RYR3: variants seen among roughly 807,000 people sequenced by gnomAD.
RYR3 encodes the protein brain ryanodine receptor-calcium release channel.
A neutral mutation model predicts 584.3 loss-of-function variants in RYR3; 207 were observed. The ratio of observed to expected loss-of-function variants is 0.35; its 90% CI spans 0.32 to 0.40. RYR3 has a LOEUF of 0.40. Ranked by LOEUF, RYR3 falls within the 10% of genes least tolerant of loss-of-function variation. The pLI is 1.00. For missense variants in RYR3, 5,616 were observed against 6,089.2 expected, an observed-to-expected ratio of 0.92 and a Z score of 2.59; for synonymous variants, 2,416 against 2,248.5, an observed-to-expected ratio of 1.07 and a Z score of -2.11.
At position 33,635,752 on chromosome 15, in the gene RYR3, G is replaced by A; in HGVS notation, c.3314G>A (p.Arg1105Lys). ...TGGDMRVGWA[R>K]PGCRPDVELG... ...GGAGACATGCGAGTCGGCTGGGCGAGGCCAGGCTGTCGACCTGATGTCGAG... is the reference window on the plus strand; with the variant it reads ...GGAGACATGCGAGTCGGCTGGGCGAAGCCAGGCTGTCGACCTGATGTCGAG... The change falls in exon 26 of 104, where the codon AGG becomes AAG. Residue 1105 changes from arginine (R) to lysine (K), a missense_variant. By Grantham distance (26) the Arg-to-Lys change is conservative. This residue lies in a region of RYR3 where 152 missense variants were observed against 200.9 expected (regional missense o/e 0.76). Coordinates refer to ENST00000634891, the MANE Select transcript of RYR3 (RefSeq NM_001036.6). The A allele has an allele frequency of 1.2e-6, 2 of 1,613,870 alleles. No homozygotes were observed. The highest frequency in any genetic ancestry group is 1.7e-4 in the Middle Eastern group (1 of 6,044).
At chr15:33,834,072 A>G (rs2077864860) in intron 86 of RYR3, among the ~76,000 whole-genome samples, 1 of 152,138 alleles carries the variant, frequency 6.6e-6, no homozygotes. Flanking sequence ...ACTTGAGGCC[A>G]GGAGTTTGAG....
At chr15:33,746,180 C>T (rs1222224220) in intron 53 of RYR3, 23 bp downstream of exon 53, 3 of 1,478,590 alleles carry the variant, frequency 2.0e-6, no homozygotes, top group African/African-American at 2.8e-5. Flanking sequence ...CCTCTGGTAA[C>T]ACTGTGTGAC....
At chr15:33,696,643 C>T (rs1442310464) in intron 39 of RYR3, among the ~76,000 whole-genome samples, 152 bp downstream of exon 39, 4 of 152,190 alleles carry the variant, frequency 2.6e-5, no homozygotes, top group African/African-American at 9.7e-5. Flanking sequence ...ATATCCTTTG[C>T]AACCTGAGAG....
intron 42 of RYR3, among the ~76,000 whole-genome samples, chr15:33,705,105 C>CTCTCTCTG (rs1022441323): frequency 1.8e-4 from 14 of 76,612 alleles, no homozygotes; most frequent in African/African-American, 7.2e-4. Context: ...CACTCTTTCT[C>CTCTCTCTG]TCTCTCTCTC....
chr15:33,423,131 A>C (rs2044356297), intron 1 of RYR3, among the ~76,000 whole-genome samples: 1 of 152,320 alleles, frequency 6.6e-6, no homozygotes, highest in South Asian at 2.1e-4. Context: ...ACAAATAGAG[A>C]CTTTGCAACC....
intron 1 of RYR3, among the ~76,000 whole-genome samples, chr15:33,472,567 G>T (rs1369155867): frequency 1.3e-5 from 2 of 152,200 alleles, no homozygotes; most frequent in African/African-American, 4.8e-5. Flanking sequence ...AAGCTATGTG[G>T]TGGTGACTAG....
chr15:33,377,777 G>A (rs1022105715), intron 1 of RYR3, among the ~76,000 whole-genome samples: 12 of 152,184 alleles, frequency 7.9e-5, no homozygotes, highest in Admixed American at 6.5e-4. Context: ...TTTTAAAAAC[G>A]TAAGTTCTAG....
At chr15:33,476,074 G>A (rs2049345701) in intron 2 of RYR3, among the ~76,000 whole-genome samples, 1 of 152,158 alleles carries the variant, frequency 6.6e-6, no homozygotes, top group African/African-American at 2.4e-5. Flanking sequence ...GTCTGATTTT[G>A]TGTAAAAGAC....
intron 43 of RYR3, among the ~76,000 whole-genome samples, chr15:33,719,089 C>G (rs1486335017): frequency 6.6e-6 from 1 of 152,198 alleles, no homozygotes; most frequent in Non-Finnish European, 1.5e-5. Flanking sequence ...TCCTCTTTGC[C>G]TTGGGAAGCC....
chr15:33,365,284 C>T (rs1253733588), intron 1 of RYR3, among the ~76,000 whole-genome samples: 1 of 152,180 alleles, frequency 6.6e-6, no homozygotes, highest in Non-Finnish European at 1.5e-5. Flanking sequence ...GCTCATGACT[C>T]CTGGACTGGA....
chr15:33,725,693 T>C (rs2339338), intron 45 of RYR3, among the ~76,000 whole-genome samples: 114,983 of 151,412 alleles, frequency 0.76, 44,354 homozygotes, highest in East Asian at 0.96. Flanking sequence ...GGCGTGGTGG[T>C]TTACGCCTGT....
At chr15:33,547,042 A>AC (rs1328734611) in intron 8 of RYR3, among the ~76,000 whole-genome samples, 3 of 152,188 alleles carry the variant, frequency 2.0e-5, no homozygotes, top group Non-Finnish European at 4.4e-5. Context: ...TAATCTGGGG[A>AC]CTGCTGTTCT....
In RYR3 at chr15:33,450,505, G is replaced by T. The variant is rs185394601; in HGVS notation, c.52-22914G>T. ...CACAGCAGTTTACAGAGCCCGAGGT[G>T]CTGAGACAAAACTGTTTGGAGCAGA... On this transcript the variant is annotated intron_variant, in intron 1 of 103. Coordinates refer to ENST00000634891, the MANE Select transcript of RYR3 (RefSeq NM_001036.6). Among the ~76,000 whole-genome samples, 216 of 152,186 alleles carry T rather than the reference G, an allele frequency of 1.4e-3. 1 individual carries two copies. Among genetic ancestry groups the T allele is most frequent in the African/African-American group, 5.2e-3 (214 of 41,516 alleles).
chr15:33,827,674 G>A (rs556770115), intron 85 of RYR3, among the ~76,000 whole-genome samples: 4 of 152,274 alleles, frequency 2.6e-5, no homozygotes, highest in South Asian at 2.1e-4. Flanking sequence ...TTACAAGTTC[G>A]TGTTGAGAAG....
At chr15:33,781,860 G>GGT (rs2074404853) in intron 65 of RYR3, among the ~76,000 whole-genome samples, 2 of 124,760 alleles carry the variant, frequency 1.6e-5, no homozygotes, top group Non-Finnish European at 3.3e-5. Context: ...AAAAAAAAAA[G>GGT]GGGGGGGGGA....
chr15:33,657,567 T>C (rs1231689348), intron 32 of RYR3, among the ~76,000 whole-genome samples: 3 of 152,222 alleles, frequency 2.0e-5, no homozygotes, highest in Non-Finnish European at 4.4e-5. Flanking sequence ...CAGAACAACA[T>C]CAAATCAGAA....
chr15:33,815,069 CA>C (rs35216286), intron 74 of RYR3, among the ~76,000 whole-genome samples: 36,549 of 118,496 alleles, frequency 0.31, 4,357 homozygotes, highest in Middle Eastern at 0.49. Flanking sequence ...GACTCTGTCT[CA>C]AAAAAAAAAA....
chr15:33,427,848 G>A (rs1291758263), intron 1 of RYR3, among the ~76,000 whole-genome samples: 2 of 152,188 alleles, frequency 1.3e-5, no homozygotes, highest in Non-Finnish European at 2.9e-5. Flanking sequence ...CATTTCCGCT[G>A]GGCAGCCTTA....
chr15:33,770,909 AT>A, intron 62 of RYR3, among the ~76,000 whole-genome samples: 1 of 152,364 alleles, frequency 6.6e-6, no homozygotes, highest in East Asian at 1.9e-4. Flanking sequence ...TGAATAAGAT[AT>A]AGAAATACAA....
Sources: allele counts gnomAD v4.1 joint callset (sites outside exome capture counted in the v4.1 genomes callset), GRCh38; gene constraint gnomAD v4.1.1; regional missense constraint gnomAD v4.1.1; transcripts MANE v1.5; gene names NCBI Gene and HGNC (gene_info 2026-07-23, HGNC 2026-07-21).